DENND1A: variants seen among roughly 807,000 people sequenced by gnomAD.
DENND1A encodes DENN domain containing 1A, also known as DENN domain-containing protein 1A.
A neutral mutation model predicts 113.7 loss-of-function variants in DENND1A; 51 were observed. The observed-to-expected ratio is 0.45, with a 90% CI of 0.36 to 0.57. The LOEUF is 0.57. DENND1A is among the 20% of genes least tolerant of loss of function. The pLI is 0.00. For missense variants in DENND1A, 1,258 were observed against 1,395.9 expected (o/e 0.90, Z 1.57); for synonymous variants, 565 against 570.8 (o/e 0.99, Z 0.14).
chr9:123,693,519 CT>C (rs916740664), intron 5 of DENND1A, among the ~76,000 whole-genome samples: 2 of 150,904 alleles, frequency 1.3e-5, no homozygotes, highest in Non-Finnish European at 3.0e-5. Context: ...TATAATTTCG[CT>C]TTTTTTTTCA....
chr9:123,410,884 GT>G (rs542154156), intron 20 of DENND1A, among the ~76,000 whole-genome samples: 93 of 151,974 alleles, frequency 6.1e-4, no homozygotes, highest in African/African-American at 1.9e-3. Context: ...GTCCTGGATG[GT>G]TTCCCACTTT....
intron 12 of DENND1A, among the ~76,000 whole-genome samples, chr9:123,572,768 A>T (rs1331167944): frequency 6.6e-6 from 1 of 152,126 alleles, no homozygotes; most frequent in East Asian, 1.9e-4. Flanking sequence ...TTTTTAAATG[A>T]TGCTTTTGGG....
intron 3 of DENND1A, among the ~76,000 whole-genome samples, chr9:123,780,186 C>T (rs1055328166): frequency 2.0e-5 from 3 of 152,162 alleles, no homozygotes; most frequent in East Asian, 1.9e-4. Context: ...CCGTCCACCC[C>T]ACATGTTCCG....
intron 2 of DENND1A, among the ~76,000 whole-genome samples, chr9:123,874,109 G>A (rs1847074835): frequency 6.6e-6 from 1 of 151,520 alleles, no homozygotes; most frequent in Non-Finnish European, 1.5e-5. Flanking sequence ...CAACACTTTG[G>A]AGTCTGAAGT....
chr9:123,592,436 G>A (rs1222610025), intron 11 of DENND1A, among the ~76,000 whole-genome samples: 1 of 152,138 alleles, frequency 6.6e-6, no homozygotes, highest in African/African-American at 2.4e-5. Flanking sequence ...AAATTATTTA[G>A]ACTTCCTGTG....
intron 19 of DENND1A, chr9:123,413,572 GC>G: frequency 3.0e-6 from 3 of 985,514 alleles, no homozygotes; most frequent in South Asian, 4.7e-5. Flanking sequence ...ACCTGTCGGG[GC>G]AGCCTGAGGG....
chr9:123,625,470 A>G (rs377331819), intron 10 of DENND1A, among the ~76,000 whole-genome samples: 41 of 152,340 alleles, frequency 2.7e-4, no homozygotes, highest in African/African-American at 7.0e-4. Flanking sequence ...TGGGCCACAC[A>G]TGGTAGCTCA....
At chr9:123,418,297 G>C (rs1020255923) in intron 19 of DENND1A, among the ~76,000 whole-genome samples, 1 of 152,214 alleles carries the variant, frequency 6.6e-6, no homozygotes, top group Non-Finnish European at 1.5e-5. Flanking sequence ...AAGTCCCTGA[G>C]AAGAGGGGAC....
At chr9:123,799,141 G>A (rs1834223870) in intron 2 of DENND1A, among the ~76,000 whole-genome samples, 2 of 152,198 alleles carry the variant, frequency 1.3e-5, no homozygotes, top group East Asian at 3.9e-4. Flanking sequence ...GTCAAATTTG[G>A]TGAAAAGAGA....
chr9:123,548,092 T>G (rs2056819034), intron 13 of DENND1A, among the ~76,000 whole-genome samples: 1 of 152,148 alleles, frequency 6.6e-6, no homozygotes, highest in African/African-American at 2.4e-5. Flanking sequence ...ACCCAGGTGA[T>G]TCCAAAGGCC....
intron 1 of DENND1A, among the ~76,000 whole-genome samples, chr9:123,889,766 A>C (rs1849631918): frequency 6.6e-6 from 1 of 152,188 alleles, no homozygotes; most frequent in African/African-American, 2.4e-5. Context: ...TGAGGTCAGG[A>C]GTTCAAGACC....
At chr9:123,765,766 T>C (rs575366161) in intron 4 of DENND1A, among the ~76,000 whole-genome samples, 2 of 152,282 alleles carry the variant, frequency 1.3e-5, no homozygotes, top group Admixed American at 1.3e-4. Context: ...ACTATTTTTA[T>C]TAGTAATAAT....
chr9:123,462,588 G>A (rs987257193), intron 13 of DENND1A, among the ~76,000 whole-genome samples: 1 of 152,180 alleles, frequency 6.6e-6, no homozygotes, highest in African/African-American at 2.4e-5. Flanking sequence ...CCTGTGGTCA[G>A]GAGTTCGAGA....
At chr9:123,585,589 A>C (rs577314453) in intron 11 of DENND1A, among the ~76,000 whole-genome samples, 1 of 152,330 alleles carries the variant, frequency 6.6e-6, no homozygotes, top group African/African-American at 2.4e-5. Context: ...CTGCAACCCA[A>C]CAGGTTAAAT....
At chr9:123,701,620 G>T (rs145003949) in intron 5 of DENND1A, among the ~76,000 whole-genome samples, 7 of 152,276 alleles carry the variant, frequency 4.6e-5, no homozygotes, top group Non-Finnish European at 5.9e-5. Flanking sequence ...CTGCATCACT[G>T]CCAGCTGACT....
intron 1 of DENND1A, among the ~76,000 whole-genome samples, chr9:123,887,281 C>A (rs993552767): frequency 2.0e-5 from 3 of 152,126 alleles, no homozygotes; most frequent in African/African-American, 7.2e-5. Flanking sequence ...CTGGTGACAG[C>A]CCAGTGTGAG....
At chr9:123,859,749 C>T (rs1013146513) in intron 2 of DENND1A, among the ~76,000 whole-genome samples, 1 of 152,086 alleles carries the variant, frequency 6.6e-6, no homozygotes, top group African/African-American at 2.4e-5. Flanking sequence ...ATTAGACCTT[C>T]TTACATTTGG....
chr9:123,458,356 ACTAT>A (rs944110170), intron 13 of DENND1A, among the ~76,000 whole-genome samples: 5 of 152,150 alleles, frequency 3.3e-5, no homozygotes, highest in Admixed American at 2.0e-4. Context: ...ACTATTTCTA[ACTAT>A]CTATTATCTA....
At chr9:123,718,745 T>C (rs2067141073) in intron 5 of DENND1A, among the ~76,000 whole-genome samples, 1 of 152,236 alleles carries the variant, frequency 6.6e-6, no homozygotes, top group South Asian at 2.1e-4. Context: ...CTACAGACTC[T>C]GTTGGGACAA....
Sources: allele counts gnomAD v4.1 joint callset (sites outside exome capture counted in the v4.1 genomes callset), GRCh38; gene constraint gnomAD v4.1.1; transcripts MANE v1.5; gene names NCBI Gene and HGNC (gene_info 2026-07-23, HGNC 2026-07-21).